AKAP9: variants seen among roughly 807,000 people sequenced by gnomAD.
The protein encoded by AKAP9 is A-kinase anchor protein 9.
Under a neutral mutation model 488.5 loss-of-function variants are expected in AKAP9, and 311 were observed. The ratio of observed to expected loss-of-function variants is 0.64; its 90% CI spans 0.58 to 0.70. AKAP9 has a LOEUF of 0.70. Among genes scored for constraint, AKAP9 ranks in the 30% least tolerant of loss-of-function variants. The probability of loss-of-function intolerance (pLI) is 0.00; values close to 1 mark genes in which losing one functional copy is unlikely to be tolerated. For missense variants in AKAP9, 4,215 were observed against 4,374.5 expected (o/e 0.96, Z 1.03); for synonymous variants, 1,462 against 1,483.5 (o/e 0.99, Z 0.33).
chr7:92,002,101 T>C lies in AKAP9; in HGVS notation c.2184T>C (p.Ile728=). ...AAATCAATGAACTTCAAAAAGAAATTGAAATACTCAGACAAGAAGAAAAAG... is the reference window on the plus strand; with the variant it reads ...AAATCAATGAACTTCAAAAAGAAATCGAAATACTCAGACAAGAAGAAAAAG... ...TLQINELQKE[I]EILRQEEKEK... is the part of the protein sequence containing the mutation. The change falls in exon 8 of 50, where the codon ATT becomes ATC. Residue 728 remains isoleucine (I), a synonymous_variant. Transcript: ENST00000356239. 1 of 1,593,342 alleles carries C rather than the reference T, an allele frequency of 6.3e-7. No individual in the cohort carries two copies. Among genetic ancestry groups the C allele is most frequent in the Non-Finnish European group, 8.5e-7 (1 of 1,174,392 alleles).
At position 92,052,361 on chromosome 7, in the gene AKAP9, G is replaced by A. The variant is rs968910812; in HGVS notation, c.5369-365G>A. Among the ~76,000 whole-genome samples, 25 of 152,182 alleles carry A rather than the reference G, an allele frequency of 1.6e-4. No homozygotes were observed. In the South Asian group the frequency reaches 3.3e-3, roughly 20 times the overall value. ...TGTTTCCTCATTACATTGTAAAGTC[G>A]TCAAGGGTTGGAGCCAGATCTTGTC... On this transcript the variant is annotated intron_variant, in intron 21 of 49. Coordinates refer to ENST00000356239, the MANE Select transcript of AKAP9 (RefSeq NM_005751.5).
chr7:92,035,926 A>T (rs931150234), intron 16 of AKAP9, among the ~76,000 whole-genome samples: 23 of 151,790 alleles, frequency 1.5e-4, no homozygotes, highest in Non-Finnish European at 2.5e-4. Flanking sequence ...TTTTTTTTTT[A>T]AAAAGGATGT....
At position 92,027,806 on chromosome 7, in the gene AKAP9, A is replaced by G. The variant is rs974430118; in HGVS notation, c.4149-2089A>G. Among the ~76,000 whole-genome samples the G allele has an allele frequency of 3.3e-5, 5 of 152,266 alleles. No individual in the cohort carries two copies. The East Asian group carries it at 5.8e-4, about 18-fold the overall frequency. On this transcript the variant is annotated intron_variant, in intron 14 of 49. Coordinates refer to ENST00000356239, the MANE Select transcript of AKAP9 (RefSeq NM_005751.5). ...CAACAGCTCCGAAGAGACAGCAACCATTGAGAACAGGCCATAATGACGATG... is the reference window on the plus strand; with the variant it reads ...CAACAGCTCCGAAGAGACAGCAACCGTTGAGAACAGGCCATAATGACGATG...
intron 49 of AKAP9, 123 bp downstream of exon 49, chr7:92,108,756 T>A: frequency 8.4e-7 from 1 of 1,192,528 alleles, no homozygotes; most frequent in Non-Finnish European, 1.2e-6. Context: ...ATGAGCTAAT[T>A]ATTAAGTTAG....
intron 37 of AKAP9, among the ~76,000 whole-genome samples, chr7:92,089,026 C>CA (rs1162872608): frequency 2.0e-5 from 3 of 152,070 alleles, no homozygotes; most frequent in African/African-American, 7.2e-5. Flanking sequence ...TCATGAAAGA[C>CA]AAAGAAAGAC....
intron 47 of AKAP9, 101 bp downstream of exon 47, chr7:92,105,864 AC>A: frequency 3.9e-6 from 4 of 1,030,878 alleles, no homozygotes; most frequent in Non-Finnish European, 6.0e-6. Flanking sequence ...CCTGTTAGGA[AC>A]CAGGCCGCAC....
chr7:92,069,326 A>AT (rs1221282904), intron 26 of AKAP9, among the ~76,000 whole-genome samples: 1 of 152,090 alleles, frequency 6.6e-6, no homozygotes, highest in Non-Finnish European at 1.5e-5. Flanking sequence ...TGAAAAATCC[A>AT]TTTTTTCCCC....
At chr7:92,054,227 A>AT (rs1156522964) in intron 22 of AKAP9, among the ~76,000 whole-genome samples, 2 of 152,160 alleles carry the variant, frequency 1.3e-5, no homozygotes, top group African/African-American at 2.4e-5. Context: ...CCTGATGAAT[A>AT]TTTTTAACAG....
chr7:92,035,278 GTTAAC>G (rs1368221550), intron 16 of AKAP9, among the ~76,000 whole-genome samples: 1 of 152,058 alleles, frequency 6.6e-6, no homozygotes, highest in African/African-American at 2.4e-5. Context: ...GCTTCCCATG[GTTAAC>G]TTAATTAATT....
Position 92,108,612 on chromosome 7 carries a change from C to T in AKAP9, c.11665C>T (p.Arg3889Ter), listed in dbSNP as rs1478796668. The T allele has an allele frequency of 3.7e-6, 6 of 1,614,012 alleles. No homozygotes were observed. Among genetic ancestry groups the T allele is most frequent in the East Asian group, 2.2e-5 (1 of 44,898 alleles). Reference sequence around the variant, plus strand: ...CACTCGGCTAGAGGCACTGCAAAGACGACTTGGAACTATACAGTCAGGTGC... The same window carrying T: ...CACTCGGCTAGAGGCACTGCAAAGATGACTTGGAACTATACAGTCAGGTGC... ...YITRLEALQR[R>*]LGTIQSGSTT... The change falls in exon 49 of 50, where the codon CGA becomes TGA. Residue 3889 changes from arginine to a stop codon, truncating the protein, a stop_gained. Transcript: ENST00000356239. LOFTEE classifies it high-confidence loss of function.
chr7:92,064,675 GC>G (rs1039497418), intron 24 of AKAP9, among the ~76,000 whole-genome samples: 1 of 152,122 alleles, frequency 6.6e-6, no homozygotes, highest in Non-Finnish European at 1.5e-5. Context: ...CCATGCAAAA[GC>G]AACTCAGGAA....
chr7:92,007,691 C>T (rs1800105535), intron 8 of AKAP9, among the ~76,000 whole-genome samples: 1 of 152,112 alleles, frequency 6.6e-6, no homozygotes, highest in Non-Finnish European at 1.5e-5. Flanking sequence ...TGAAAAGTTA[C>T]TGAAGTTCAA....
chr7:91,973,587 A>AT, intron 1 of AKAP9, 124 bp from the exon 2 acceptor site: 4 of 1,065,588 alleles, frequency 3.8e-6, no homozygotes, highest in East Asian at 2.6e-5. Flanking sequence ...ATTGTTCTTT[A>AT]TTTTTTCATT....
chr7:92,028,139 G>T (rs1463395772), intron 14 of AKAP9, among the ~76,000 whole-genome samples: 1 of 151,968 alleles, frequency 6.6e-6, no homozygotes, highest in Non-Finnish European at 1.5e-5. Flanking sequence ...CAAGTACCCA[G>T]GGACACAAAC....
intron 29 of AKAP9, among the ~76,000 whole-genome samples, chr7:92,077,349 C>T (rs1563098165): frequency 6.6e-6 from 1 of 151,550 alleles, no homozygotes. Context: ...TCTTGGCCTC[C>T]CAAAGTGCTG....
At chr7:92,091,509 T>A (rs1434711242) in intron 38 of AKAP9, among the ~76,000 whole-genome samples, 1 of 149,962 alleles carries the variant, frequency 6.7e-6, no homozygotes, top group Non-Finnish European at 1.5e-5. Context: ...TCGTCTGAAC[T>A]TAGGAGGCAG....
At position 92,097,221 on chromosome 7, in the gene AKAP9, A is replaced by T. The variant is rs1372085122; in HGVS notation, c.10262A>T (p.Glu3421Val). Residue 3421 changes from glutamate to valine, a missense_variant, in exon 41 of 50, where the codon GAG (glutamate) becomes GTG (valine). Transcript: ENST00000356239. The stretch of plus-strand genomic sequence containing the variant: ...GAAGATCTTCAGCGCCAGCTGGAAG[A>T]GAAAAGACAACAAGTTTATAAGTTA... ...KVEDLQRQLE[E>V]KRQQVYKLDL... is the part of the protein sequence containing the mutation. 2 of 1,612,474 alleles carry T rather than the reference A, an allele frequency of 1.2e-6. No homozygotes were observed. The highest frequency in any genetic ancestry group is 1.7e-6 in the Non-Finnish European group (2 of 1,179,638).
At chr7:91,990,489 G>A (rs1298533806) in intron 3 of AKAP9, among the ~76,000 whole-genome samples, 1 of 151,912 alleles carries the variant, frequency 6.6e-6, no homozygotes, top group Admixed American at 6.6e-5. Flanking sequence ...TATTAATATT[G>A]ATAAGTTTTA....
chr7:91,963,482 T>TCTCACACACACACACACACACACACACA (rs375244495), intron 1 of AKAP9, among the ~76,000 whole-genome samples: 1 of 139,232 alleles, frequency 7.2e-6, no homozygotes, highest in East Asian at 2.1e-4. Flanking sequence ...AACATATTTG[T>TCTCACACACACACACACACACACACACA]CACACACACA....
Sources: gnomAD v4.1 joint callset for allele counts (sites outside exome capture counted in the v4.1 genomes callset) on GRCh38, gnomAD v4.1.1 for gene constraint, MANE v1.5 for transcripts, NCBI Gene and HGNC (gene_info 2026-07-23, HGNC 2026-07-21) for gene names.